The following NUP210 variants were observed in gnomAD, a reference collection of about 807,000 sequenced individuals.
NUP210 encodes nuclear pore membrane glycoprotein 210.
NUP210 carries 151 observed loss-of-function variants against 196.0 expected under a neutral mutation model. That is an observed-to-expected ratio of 0.77 (90% confidence interval 0.67 to 0.88). The LOEUF (loss-of-function observed/expected upper bound fraction) is 0.88, where lower values mean the gene tolerates loss of function less well. NUP210 is among the 40% of genes least tolerant of loss of function. NUP210 has a pLI of 0.00. For missense variants in NUP210, 2,314 were observed against 2,493.7 expected, an observed-to-expected ratio of 0.93 and a Z score of 1.53; for synonymous variants, 1,070 against 1,052.7, an observed-to-expected ratio of 1.02 and a Z score of -0.32.
chr3:13,391,935 C>A (rs1203121065), intron 3 of NUP210, among the ~76,000 whole-genome samples: 6 of 152,016 alleles, frequency 3.9e-5, no homozygotes, highest in African/African-American at 1.4e-4. Context: ...GAAACAGATG[C>A]CACATGCAAG....
intron 16 of NUP210, among the ~76,000 whole-genome samples, chr3:13,355,816 A>G (rs1424727076): frequency 6.6e-6 from 1 of 152,192 alleles, no homozygotes; most frequent in Admixed American, 6.5e-5. Context: ...GCTCCCCCAG[A>G]TGCAATCCTG....
chr3:13,390,888 C>CA (rs1576411821), intron 4 of NUP210, among the ~76,000 whole-genome samples: 2 of 152,358 alleles, frequency 1.3e-5, no homozygotes, highest in East Asian at 3.9e-4. Flanking sequence ...ACTGGCCCCC[C>CA]AGAAGTGCAG....
intron 33 of NUP210, among the ~76,000 whole-genome samples, chr3:13,325,149 C>T (rs1402421321): frequency 6.6e-6 from 1 of 152,200 alleles, no homozygotes; most frequent in Non-Finnish European, 1.5e-5. Context: ...AGGCTCTGCC[C>T]TTGAACCCTA....
chr3:13,339,669 T>C (rs531010100), intron 25 of NUP210, among the ~76,000 whole-genome samples, 185 bp downstream of exon 25: 1 of 152,224 alleles, frequency 6.6e-6, no homozygotes, highest in East Asian at 1.9e-4. Flanking sequence ...GAACAACCAA[T>C]GGGGGTCTGG....
chr3:13,349,658 C>T (rs1050123783), intron 20 of NUP210, among the ~76,000 whole-genome samples: 1 of 152,254 alleles, frequency 6.6e-6, no homozygotes, highest in Non-Finnish European at 1.5e-5. Flanking sequence ...CCTGGGAAAG[C>T]AGCTGGTGCA....
intron 26 of NUP210, 86 bp from the exon 27 acceptor site, chr3:13,337,004 G>A (rs1298029567): frequency 6.5e-7 from 1 of 1,547,788 alleles, no homozygotes; most frequent in African/African-American, 1.4e-5. Flanking sequence ...TTCAAGCAGT[G>A]GGAGATGAAC....
chr3:13,390,884 C>T (rs1405416168), intron 4 of NUP210, among the ~76,000 whole-genome samples: 2 of 152,234 alleles, frequency 1.3e-5, no homozygotes, highest in East Asian at 1.9e-4. Flanking sequence ...TTTAACTGGC[C>T]CCCCAGAAGT....
At chr3:13,376,875 C>T (rs1236430799) in intron 9 of NUP210, among the ~76,000 whole-genome samples, 5 of 152,108 alleles carry the variant, frequency 3.3e-5, no homozygotes, top group Admixed American at 6.5e-5. Context: ...TCTTCTAAAA[C>T]CTCCAACGCC....
Position 13,399,775 on chromosome 3 carries a change from C to A in NUP210, c.254G>T (p.Arg85Leu). The change falls in exon 2 of 40, where the codon CGC (arginine) becomes CTC (leucine). Residue 85 changes from arginine to leucine, a missense_variant. By Grantham distance (102) the Arg-to-Leu change is moderately radical. Coordinates refer to ENST00000254508, the MANE Select transcript of NUP210 (RefSeq NM_024923.4). ...GGTGAGGCGGGCAGGCTGGGTCAGG[C>A]GGGCCTGCACCACTGCCTTCTGGGA... ...QCSQKAVVQA[R>L]LTQPARLTSI... 1 of 1,614,010 alleles carries A rather than the reference C, an allele frequency of 6.2e-7. No homozygotes were observed. The highest frequency in any genetic ancestry group is 8.5e-7 in the Non-Finnish European group (1 of 1,179,964).
chr3:13,332,464 C>T, intron 28 of NUP210, 80 bp from the exon 29 acceptor site: 1 of 1,128,382 alleles, frequency 8.9e-7, no homozygotes, highest in Non-Finnish European at 1.3e-6. Flanking sequence ...CTCCTAGCAG[C>T]AAGAGCCGAG....
At chr3:13,345,309 A>C (rs549683877) in intron 20 of NUP210, 1 of 817,912 alleles carries the variant, frequency 1.2e-6, no homozygotes, top group African/African-American at 1.9e-5. Context: ...TGTGCAAATG[A>C]GTTAACTGAG....
chr3:13,381,437 G>C (rs1385996300), intron 6 of NUP210, among the ~76,000 whole-genome samples: 1 of 59,644 alleles, frequency 1.7e-5, no homozygotes, highest in African/African-American at 7.7e-5. Flanking sequence ...TTTTTTTTTA[G>C]AGATAGGTTC....
chr3:13,346,361 C>T (rs903397603), intron 20 of NUP210, among the ~76,000 whole-genome samples: 3 of 152,218 alleles, frequency 2.0e-5, no homozygotes, highest in African/African-American at 7.2e-5. Context: ...CTTCTCCATG[C>T]ATTCTGGACA....
At position 13,341,867 on chromosome 3, in the gene NUP210, G is replaced by T; in HGVS notation, c.3109C>A (p.Leu1037Ile). The change falls in exon 23 of 40, where the codon CTT becomes ATT. Residue 1037 changes from leucine (L) to isoleucine (I), a missense_variant. Physicochemically the swap from Leu to Ile is conservative, Grantham distance 5 (BLOSUM62 2). Coordinates refer to ENST00000254508, the MANE Select transcript of NUP210 (RefSeq NM_024923.4). ...IITLVALDEA[L>I]DNYTITFLIR... ...AGGAATGTGATGGTGTAGTTGTCAA[G>T]GGCTTCATCAAGGGCCCTGAAACAG... The T allele has an allele frequency of 6.2e-7, 1 of 1,614,182 alleles. No homozygotes were observed. The highest frequency in any genetic ancestry group is 8.5e-7 in the Non-Finnish European group (1 of 1,180,032).
At chr3:13,385,974 C>T (rs532658470) in intron 6 of NUP210, among the ~76,000 whole-genome samples, 4 of 152,296 alleles carry the variant, frequency 2.6e-5, no homozygotes, top group South Asian at 2.1e-4. Flanking sequence ...TATGATTCCA[C>T]GTACATGAGG....
intron 1 of NUP210, among the ~76,000 whole-genome samples, chr3:13,409,864 T>A (rs1700110069): frequency 6.7e-6 from 1 of 149,000 alleles, no homozygotes; most frequent in South Asian, 2.1e-4. Context: ...GGAGACGGAG[T>A]CTCGTTCTGT....
At chr3:13,341,358 T>C (rs1348997244) in intron 23 of NUP210, among the ~76,000 whole-genome samples, 1 of 152,236 alleles carries the variant, frequency 6.6e-6, no homozygotes, top group African/African-American at 2.4e-5. Context: ...GAAGTGCCTG[T>C]TCTAAGGCTC....
intron 3 of NUP210, 55 bp downstream of exon 3, chr3:13,397,301 TG>T (rs898678172): frequency 3.1e-5 from 48 of 1,569,336 alleles, no homozygotes; most frequent in African/African-American, 2.8e-5. Context: ...AGAGTCATGG[TG>T]GGGGGATGAT....
intron 1 of NUP210, among the ~76,000 whole-genome samples, chr3:13,415,398 A>C (rs1462393105): frequency 6.6e-6 from 1 of 152,130 alleles, no homozygotes; most frequent in African/African-American, 2.4e-5. Flanking sequence ...TCTCCACCCC[A>C]CTTTCTAACT....
Sources: gnomAD v4.1 joint callset for allele counts (sites outside exome capture counted in the v4.1 genomes callset) on GRCh38, gnomAD v4.1.1 for gene constraint, MANE v1.5 for transcripts, NCBI Gene and HGNC (gene_info 2026-07-23, HGNC 2026-07-21) for gene names.